Variants in POU6F2 observed in about 807,000 individuals in gnomAD.
POU6F2 encodes the protein POU class 6 homeobox 2.
POU6F2 carries 31 observed loss-of-function variants against 71.3 expected under a neutral mutation model. The observed-to-expected ratio is 0.43, with a 90% CI of 0.33 to 0.59. The LOEUF (loss-of-function observed/expected upper bound fraction) is 0.59. POU6F2 is among the 20% of genes least tolerant of loss of function. The pLI is 0.04. For missense variants in POU6F2, 783 were observed against 856.8 expected (o/e 0.91, Z 1.07); for synonymous variants, 347 against 355.7 (o/e 0.98, Z 0.27).
intron 2 of POU6F2, among the ~76,000 whole-genome samples, chr7:39,107,163 G>A (rs1427097671): frequency 6.6e-6 from 1 of 150,426 alleles, no homozygotes; most frequent in Non-Finnish European, 1.5e-5. Flanking sequence ...TCACACCTTA[G>A]CTTCCCAAGT....
chr7:38,995,369 G>A (rs1788706968), intron 1 of POU6F2, among the ~76,000 whole-genome samples: 1 of 152,108 alleles, frequency 6.6e-6, no homozygotes, highest in African/African-American at 2.4e-5. Flanking sequence ...CATCTTCAAG[G>A]CAATATTGCT....
intron 4 of POU6F2, among the ~76,000 whole-genome samples, chr7:39,331,576 C>T (rs564518986): frequency 4.6e-5 from 7 of 152,070 alleles, no homozygotes; most frequent in African/African-American, 1.7e-4. Context: ...GGTGCGATCT[C>T]GGCTCACTGC....
intron 2 of POU6F2, among the ~76,000 whole-genome samples, chr7:39,154,777 G>A (rs938041863): frequency 2.6e-5 from 4 of 152,130 alleles, no homozygotes; most frequent in Admixed American, 2.0e-4. Context: ...TGAATGTACC[G>A]ATGACTGCCC....
At chr7:39,193,456 T>G (rs1453501877) in intron 2 of POU6F2, among the ~76,000 whole-genome samples, 1 of 152,228 alleles carries the variant, frequency 6.6e-6, no homozygotes, top group Non-Finnish European at 1.5e-5. Flanking sequence ...TTGTGGTCTG[T>G]CTTTTTGAAA....
intron 2 of POU6F2, among the ~76,000 whole-genome samples, chr7:39,090,755 C>G (rs890230388): frequency 5.3e-5 from 8 of 151,876 alleles, no homozygotes; most frequent in African/African-American, 1.9e-4. Context: ...GAAAGTTTTG[C>G]TAAAGAAATA....
intron 1 of POU6F2, among the ~76,000 whole-genome samples, chr7:39,002,349 T>C (rs566605155): frequency 2.6e-5 from 4 of 152,228 alleles, no homozygotes; most frequent in South Asian, 4.1e-4. Flanking sequence ...GTTGTTGTTG[T>C]TGTTGTTGTT....
At chr7:39,084,334 A>G (rs978209361) in intron 1 of POU6F2, among the ~76,000 whole-genome samples, 2 of 152,222 alleles carry the variant, frequency 1.3e-5, no homozygotes, top group African/African-American at 4.8e-5. Flanking sequence ...AACAGACTGT[A>G]AAGAATAAAT....
chr7:39,207,855 C>T (rs1794053998), intron 4 of POU6F2, among the ~76,000 whole-genome samples: 1 of 152,170 alleles, frequency 6.6e-6, no homozygotes, highest in Non-Finnish European at 1.5e-5. Context: ...CAAAACTTTT[C>T]AGGACTCCTG....
At chr7:39,404,558 C>T (rs1294283853) in intron 5 of POU6F2, 1 of 152,094 alleles carries the variant, frequency 6.6e-6, no homozygotes, top group Non-Finnish European at 1.5e-5. Context: ...GGACCAAATC[C>T]ATAGTCAACA....
At chr7:39,403,347 C>T (rs762000645) in intron 5 of POU6F2, among the ~76,000 whole-genome samples, 1 of 152,184 alleles carries the variant, frequency 6.6e-6, no homozygotes, top group Non-Finnish European at 1.5e-5. Flanking sequence ...AGAACTCTAG[C>T]CCTCTGCAAA....
chr7:39,235,195 T>C (rs1794653027), intron 4 of POU6F2, among the ~76,000 whole-genome samples: 1 of 152,184 alleles, frequency 6.6e-6, no homozygotes, highest in African/African-American at 2.4e-5. Context: ...CATGCTCATC[T>C]TCTTAGTAGC....
intron 4 of POU6F2, among the ~76,000 whole-genome samples, chr7:39,312,886 G>A (rs956367137): frequency 3.3e-5 from 5 of 152,164 alleles, no homozygotes; most frequent in Admixed American, 2.0e-4. Flanking sequence ...ATTTCATCAC[G>A]CTACTCGGAA....
At chr7:39,360,844 C>T (rs1786373288) in intron 5 of POU6F2, among the ~76,000 whole-genome samples, 1 of 152,168 alleles carries the variant, frequency 6.6e-6, no homozygotes, top group African/African-American at 2.4e-5. Context: ...TCTCATGGTG[C>T]TGGTGAGAGT....
chr7:39,410,053 G>A (rs1787521695), intron 6 of POU6F2, among the ~76,000 whole-genome samples: 1 of 152,176 alleles, frequency 6.6e-6, no homozygotes, highest in Admixed American at 6.5e-5. Flanking sequence ...GCATTCTAAG[G>A]TCATAGAGTA....
chr7:39,068,178 C>A (rs1790799600), intron 1 of POU6F2, among the ~76,000 whole-genome samples: 1 of 151,962 alleles, frequency 6.6e-6, no homozygotes, highest in Non-Finnish European at 1.5e-5. Flanking sequence ...CTATGTAGTT[C>A]TTTTTATAGC....
chr7:39,257,454 TCCTGTTAGCA>T (rs1784047023), intron 4 of POU6F2, among the ~76,000 whole-genome samples: 3 of 152,206 alleles, frequency 2.0e-5, no homozygotes, highest in African/African-American at 7.2e-5. Context: ...GTTTTGCTTT[TCCTGTTAGCA>T]CATCTGAAAA....
intron 4 of POU6F2, among the ~76,000 whole-genome samples, chr7:39,243,905 G>T (rs2128751695): frequency 6.6e-6 from 1 of 152,190 alleles, no homozygotes; most frequent in South Asian, 2.1e-4. Flanking sequence ...AGTCCTACAG[G>T]TCATTGACAG....
chr7:39,263,816 C>A (rs1784188966), intron 4 of POU6F2, among the ~76,000 whole-genome samples: 1 of 152,222 alleles, frequency 6.6e-6, no homozygotes, highest in Non-Finnish European at 1.5e-5. Flanking sequence ...GATGTGACCT[C>A]CCCGAAGGCA....
At chr7:39,078,488 C>G (rs1190529454) in intron 1 of POU6F2, among the ~76,000 whole-genome samples, 1 of 152,024 alleles carries the variant, frequency 6.6e-6, no homozygotes, top group South Asian at 2.1e-4. Flanking sequence ...CTAATTCTAC[C>G]CAAATTAATA....
Sources: gnomAD v4.1 joint callset for allele counts (sites outside exome capture counted in the v4.1 genomes callset) on GRCh38, gnomAD v4.1.1 for gene constraint, MANE v1.5 for transcripts, NCBI Gene and HGNC (gene_info 2026-07-23, HGNC 2026-07-21) for gene names.